SSH1: variants seen among roughly 807,000 people sequenced by gnomAD.
The protein encoded by SSH1 is slingshot protein phosphatase 1.
A neutral mutation model predicts 79.7 loss-of-function variants in SSH1; 43 were observed. That is an observed-to-expected ratio of 0.54 (90% confidence interval 0.42 to 0.70). The LOEUF is 0.70. SSH1 is among the 30% of genes least tolerant of loss of function. The pLI is 0.00. For synonymous variants in SSH1, 599 were observed against 538.3 expected (o/e 1.11, Z -1.56); for missense variants, 1,206 against 1,358.8 (o/e 0.89, Z 1.77).
rs1012049111 is a variant in SSH1 at position 108,779,830 on chromosome 12, A to G, written c.*8158T>C. ...GCTGGGATTACAGGCGCCCGCCATCATGCCCGGCTAATTTTTGTATTTTTA... is the reference window on the plus strand; with the variant it reads ...GCTGGGATTACAGGCGCCCGCCATCGTGCCCGGCTAATTTTTGTATTTTTA... On this transcript the variant is annotated 3_prime_UTR_variant, in exon 15 of 15. Coordinates refer to ENST00000326495, the MANE Select transcript of SSH1 (RefSeq NM_018984.4). The G allele has an allele frequency of 6.6e-6, 1 of 152,088 alleles. No individual in the cohort carries two copies. Among genetic ancestry groups the G allele is most frequent in the Non-Finnish European group, 1.5e-5 (1 of 68,028 alleles). 9.4% of individuals were successfully genotyped at this position (152,088 alleles called of 1,614,324 possible).
intron 13 of SSH1, among the ~76,000 whole-genome samples, chr12:108,798,642 G>C (rs2036853355): frequency 6.6e-6 from 1 of 152,230 alleles, no homozygotes; most frequent in Non-Finnish European, 1.5e-5. Flanking sequence ...AGCAAAGCTG[G>C]TGCACAGGGC....
chr12:108,799,742 C>T lies in SSH1; in HGVS notation c.1149-542G>A, dbSNP rs2036907457. ...GCCAGGGAGCAGGAGTAAGGGCGGC[C>T]GCAAAAAAAAGCCAGGAGTGGAAGA... is the stretch of plus-strand genomic sequence containing the variant. On this transcript the variant is annotated intron_variant, in intron 12 of 14. Transcript: ENST00000326495. 2.6e-5 allele frequency among the ~76,000 whole-genome samples: 4 copies of T among 151,742 alleles called. No individual in the cohort carries two copies. The South Asian group carries it at 8.3e-4, about 31-fold the overall frequency.
chr12:108,792,662 G>C lies in SSH1; in HGVS notation c.1517C>G (p.Pro506Arg). Reference sequence around the variant, plus strand: ...GAGTCGCCGGAAACAGCAGGGGAGGGGGGGCCCTAAGCCGGGCTGGGCGGC... The same window carrying C: ...GAGTCGCCGGAAACAGCAGGGGAGGCGGGGCCCTAAGCCGGGCTGGGCGGC... ...DDAAQPGLGP[P>R]LPCCFRRLSD... Residue 506 changes from proline to arginine, a missense_variant, in exon 14 of 15, where the codon CCC becomes CGC. By Grantham distance (103) the Pro-to-Arg change is moderately radical. Coordinates refer to ENST00000326495, the MANE Select transcript of SSH1 (RefSeq NM_018984.4). The C allele has an allele frequency of 6.2e-7, 1 of 1,612,004 alleles. No individual in the cohort carries two copies. Among genetic ancestry groups the C allele is most frequent in the South Asian group, 1.1e-5 (1 of 91,080 alleles).
rs75570399 is a variant in SSH1 at position 108,835,615 on chromosome 12, A to G, written c.111-12254T>C. Among the ~76,000 whole-genome samples, 323 of 150,234 alleles carry G rather than the reference A, an allele frequency of 2.1e-3. 1 individual carries two copies. Among genetic ancestry groups the G allele is most frequent in the African/African-American group, 7.5e-3 (303 of 40,306 alleles). ...TACCTCTGGAAAACAGTCTCAAAAAAGTCCACTTCTCCTCCCAACAATTCA... is the reference window on the plus strand; with the variant it reads ...TACCTCTGGAAAACAGTCTCAAAAAGGTCCACTTCTCCTCCCAACAATTCA... On this transcript the variant is annotated intron_variant, in intron 2 of 14. Transcript: ENST00000326495.
Position 108,780,344 on chromosome 12 carries a change from G to A in SSH1, c.*7644C>T, listed in dbSNP as rs1592983866. ...CCCAACCGCGAGACAGTTACTCTGAGGAGGAAATCAGGGCAAAAGCAGCCC... is the reference window on the plus strand; with the variant it reads ...CCCAACCGCGAGACAGTTACTCTGAAGAGGAAATCAGGGCAAAAGCAGCCC... On this transcript the variant is annotated 3_prime_UTR_variant, in exon 15 of 15. Coordinates refer to ENST00000326495, the MANE Select transcript of SSH1 (RefSeq NM_018984.4). 7 of 152,354 alleles carry A rather than the reference G, an allele frequency of 4.6e-5. No individual in the cohort carries two copies. The East Asian group carries it at 1.2e-3, about 25-fold the overall frequency. 9.4% of individuals were successfully genotyped at this position (152,354 alleles called of 1,614,324 possible). A position where few individuals can be genotyped will look rare whatever the true frequency, so the allele number is the denominator to read the frequency against.
chr12:108,831,904 C>T (rs1327662023), intron 2 of SSH1, among the ~76,000 whole-genome samples: 1 of 152,146 alleles, frequency 6.6e-6, no homozygotes, highest in Non-Finnish European at 1.5e-5. Flanking sequence ...AATGTGCAAA[C>T]CTAAGAAACA....
At chr12:108,809,619 A>C (rs1426315717) in intron 7 of SSH1, 74 bp downstream of exon 7, 7 of 1,270,140 alleles carry the variant, frequency 5.5e-6, no homozygotes, top group Non-Finnish European at 8.1e-6. Context: ...TCTTGGTAGA[A>C]GGGGTTTTTC....
rs148502894 is a variant in SSH1, at chr12:108,794,995, T to C, written c.1350-2166A>G. Among the ~76,000 whole-genome samples, 319 of 152,278 alleles carry C rather than the reference T, an allele frequency of 2.1e-3. 2 individuals are homozygous for C. The highest frequency in any genetic ancestry group is 7.4e-3 in the African/African-American group (309 of 41,554). On this transcript the variant is annotated intron_variant, in intron 13 of 14. Coordinates refer to ENST00000326495, the MANE Select transcript of SSH1 (RefSeq NM_018984.4). ...AAAAACGCAGATTCACTGAGCCAGA[T>C]GAAGGCATACATGACTCTCTTCCCC...
intron 2 of SSH1, among the ~76,000 whole-genome samples, chr12:108,845,797 C>T (rs532951645): frequency 2.6e-5 from 4 of 152,328 alleles, no homozygotes; most frequent in South Asian, 2.1e-4. Context: ...ATCTCCAGTA[C>T]GGACACAGAA....
At position 108,792,694 on chromosome 12, in the gene SSH1, C is replaced by G. The variant is rs913303631; in HGVS notation, c.1485G>C (p.Leu495Phe). The G allele has an allele frequency of 6.2e-6, 10 of 1,612,956 alleles. No homozygotes were observed. The African/African-American group carries it at 1.3e-4, about 22-fold the overall frequency. The change falls in exon 14 of 15, where the codon TTG (leucine) becomes TTC (phenylalanine). Residue 495 changes from leucine to phenylalanine, a missense_variant. Coordinates refer to ENST00000326495, the MANE Select transcript of SSH1 (RefSeq NM_018984.4). ...DGTPESQLPF[L>F]DDAAQPGLGP... The stretch of plus-strand genomic sequence containing the variant: ...CTAAGCCGGGCTGGGCGGCATCATC[C>G]AAGAAGGGCAGCTGGCTTTCCGGGG...
intron 13 of SSH1, among the ~76,000 whole-genome samples, chr12:108,797,375 C>T (rs1246761463): frequency 6.6e-6 from 1 of 152,046 alleles, no homozygotes; most frequent in Non-Finnish European, 1.5e-5. Context: ...TCTAGGCAGA[C>T]AGGTGCGGGT....
chr12:108,786,399 TCAGAGAGG>T lies in SSH1; in HGVS notation c.*1581_*1588del, dbSNP rs1375450744. The T allele has an allele frequency of 6.6e-6, 1 of 152,340 alleles. No homozygotes were observed. The highest frequency in any genetic ancestry group is 1.5e-5 in the Non-Finnish European group (1 of 68,184). 9.4% of individuals were successfully genotyped at this position (152,340 alleles called of 1,614,324 possible). A position where few individuals can be genotyped will look rare whatever the true frequency, so the allele number is the denominator to read the frequency against. ...GGAGGGAAGGGTCTGGCCTTAGGTGTCAGAGAGGCAGAGGGCTTCACATTTACCCAGTT... is the reference window on the plus strand; with the variant it reads ...GGAGGGAAGGGTCTGGCCTTAGGTGTCAGAGGGCTTCACATTTACCCAGTT... On this transcript the variant is annotated 3_prime_UTR_variant, in exon 15 of 15. Coordinates refer to ENST00000326495, the MANE Select transcript of SSH1 (RefSeq NM_018984.4).
chr12:108,806,215 G>A, intron 9 of SSH1, 86 bp downstream of exon 9: 1 of 1,268,810 alleles, frequency 7.9e-7, no homozygotes, highest in Non-Finnish European at 1.2e-6. Flanking sequence ...ACCAGATGTT[G>A]GGCCTGCTTT....
intron 9 of SSH1, among the ~76,000 whole-genome samples, 163 bp from the exon 10 acceptor site, chr12:108,805,347 G>C (rs2037220366): frequency 1.3e-5 from 2 of 152,252 alleles, no homozygotes; most frequent in South Asian, 4.1e-4. Flanking sequence ...TACATGCGTG[G>C]GTGGCAGGAA....
chr12:108,827,241 T>G, intron 2 of SSH1: 1 of 1,534,870 alleles, frequency 6.5e-7, no homozygotes, highest in Non-Finnish European at 8.8e-7. Context: ...AGGAAACCAG[T>G]AATCAGGGTG....
rs1220125613 is a variant in SSH1, at chr12:108,857,581, C to T, written c.-85G>A. On this transcript the variant is annotated 5_prime_UTR_variant, in exon 1 of 15. Coordinates refer to ENST00000326495, the MANE Select transcript of SSH1 (RefSeq NM_018984.4). This position sits in a 1 kb window ranked among gnomAD's most constrained non-coding sequence, Gnocchi z 4.7. ...GCCGCCCGGGCCGGGCCCGGGGCCTCCTGGAGCCGCGCGCGGGCGGCCGGG... is the reference window on the plus strand; with the variant it reads ...GCCGCCCGGGCCGGGCCCGGGGCCTTCTGGAGCCGCGCGCGGGCGGCCGGG... The T allele has an allele frequency of 3.6e-6, 3 of 828,116 alleles. No homozygotes were observed. Among genetic ancestry groups the T allele is most frequent in the East Asian group, 1.2e-4 (1 of 8,030 alleles). 51.3% of individuals were successfully genotyped at this position (828,116 alleles called of 1,614,324 possible).
intron 11 of SSH1, among the ~76,000 whole-genome samples, chr12:108,802,097 C>T (rs1194006175): frequency 4.6e-5 from 7 of 152,216 alleles, no homozygotes; most frequent in Non-Finnish European, 1.0e-4. Context: ...TCAATCCACA[C>T]GATCACGCGA....
intron 2 of SSH1, among the ~76,000 whole-genome samples, chr12:108,841,793 G>C (rs927399412): frequency 1.3e-5 from 2 of 151,182 alleles, no homozygotes; most frequent in Non-Finnish European, 2.9e-5. Flanking sequence ...TGGTGACAGA[G>C]CAAGTCTCCA....
At chr12:108,833,407 C>T (rs181659460) in intron 2 of SSH1, among the ~76,000 whole-genome samples, 19 of 152,296 alleles carry the variant, frequency 1.2e-4, no homozygotes, top group Admixed American at 1.2e-3. Context: ...AAATAACAGG[C>T]ACATGAAGGA....
Sources: gnomAD v4.1 joint callset for allele counts (sites outside exome capture counted in the v4.1 genomes callset) on GRCh38, gnomAD v4.1.1 for gene constraint, Gnocchi (gnomAD v3.1) non-coding constraint, MANE v1.5 for transcripts, NCBI Gene and HGNC (gene_info 2026-07-23, HGNC 2026-07-21) for gene names.